Variants in DCLK1 observed in about 807,000 individuals in gnomAD.
DCLK1 encodes the protein doublecortin like kinase 1, also known as serine/threonine-protein kinase DCLK1.
A neutral mutation model predicts 86.2 loss-of-function variants in DCLK1; 16 were observed. The observed-to-expected ratio is 0.19, with a 90% CI of 0.13 to 0.28. The LOEUF (loss-of-function observed/expected upper bound fraction) is 0.28, where lower values mean the gene tolerates loss of function less well. Ranked by LOEUF, DCLK1 falls within the 10% of genes least tolerant of loss-of-function variation. DCLK1 has a pLI of 1.00. For synonymous variants in DCLK1, 369 were observed against 370.5 expected, an observed-to-expected ratio of 1.00 and a Z score of 0.05; for missense variants, 590 against 940.2, an observed-to-expected ratio of 0.63 and a Z score of 4.87.
intron 4 of DCLK1, among the ~76,000 whole-genome samples, chr13:35,905,479 G>A (rs1874638105): frequency 6.6e-6 from 1 of 152,170 alleles, no homozygotes; most frequent in African/African-American, 2.4e-5. Flanking sequence ...ACTTCCACAA[G>A]GTCAAAGCCC....
At chr13:36,122,582 C>T (rs542561051) in intron 2 of DCLK1, among the ~76,000 whole-genome samples, 1 of 152,222 alleles carries the variant, frequency 6.6e-6, no homozygotes, top group Admixed American at 6.5e-5. Context: ...TTTATCATCA[C>T]AACATTTACC....
chr13:35,783,743 C>A (rs2086571689), intron 16 of DCLK1, among the ~76,000 whole-genome samples: 1 of 152,040 alleles, frequency 6.6e-6, no homozygotes, highest in Non-Finnish European at 1.5e-5. Flanking sequence ...CACCACCATG[C>A]CCAGCTAATT....
chr13:35,797,108 C>T (rs1050716651), intron 15 of DCLK1, among the ~76,000 whole-genome samples: 4 of 152,170 alleles, frequency 2.6e-5, no homozygotes, highest in African/African-American at 9.7e-5. Context: ...GCCTGGCTGA[C>T]ACTGGGCAGC....
At chr13:36,056,331 T>C (rs560143638) in intron 3 of DCLK1, among the ~76,000 whole-genome samples, 11 of 94,780 alleles carry the variant, frequency 1.2e-4, no homozygotes, top group Non-Finnish European at 2.3e-4. Flanking sequence ...ATGGATGAAA[T>C]TGGAAACCAT....
At chr13:35,853,870 T>A (rs1197250408) in intron 6 of DCLK1, among the ~76,000 whole-genome samples, 4 of 152,168 alleles carry the variant, frequency 2.6e-5, no homozygotes, top group Non-Finnish European at 5.9e-5. Flanking sequence ...TGTGACAGGA[T>A]AAGAACAGTA....
Position 35,774,528 on chromosome 13 carries a change from G to A in DCLK1, c.*7C>T, listed in dbSNP as rs1420394816. On this transcript the variant is annotated 3_prime_UTR_variant, in exon 17 of 17. Coordinates refer to ENST00000360631, the MANE Select transcript of DCLK1 (RefSeq NM_001330071.2). ...GTTAAGCTAGGACTTTGAGTAAAAG[G>A]GTCTTATTAAAAGGGCGAGTTAGGG... 1.9e-6 allele frequency: 3 copies of A among 1,551,654 alleles called. No individual in the cohort carries two copies. Among genetic ancestry groups the A allele is most frequent in the Middle Eastern group, 1.7e-4 (1 of 5,988 alleles).
At chr13:35,987,487 T>G (rs1879983085) in intron 3 of DCLK1, among the ~76,000 whole-genome samples, 1 of 152,114 alleles carries the variant, frequency 6.6e-6, no homozygotes, top group Non-Finnish European at 1.5e-5. Context: ...ATTTCATATT[T>G]AAAACGACCC....
chr13:35,828,192 T>C (rs1295018466), intron 9 of DCLK1, 58 bp downstream of exon 9: 6 of 1,401,166 alleles, frequency 4.3e-6, no homozygotes, highest in Non-Finnish European at 6.0e-6. Context: ...GAGTGATCTT[T>C]GTGTTTCTTT....
chr13:35,975,611 T>C (rs1879293146), intron 3 of DCLK1, among the ~76,000 whole-genome samples: 1 of 132,792 alleles, frequency 7.5e-6, no homozygotes, highest in Non-Finnish European at 1.6e-5. Context: ...GCTCAGAAAC[T>C]GGAGACAAAA....
chr13:35,987,719 G>C (rs1880003474), intron 3 of DCLK1, among the ~76,000 whole-genome samples: 1 of 152,192 alleles, frequency 6.6e-6, no homozygotes, highest in Non-Finnish European at 1.5e-5. Flanking sequence ...AACCCGCCCT[G>C]AGTAACGCGG....
At chr13:35,847,487 T>C in intron 6 of DCLK1, 2 of 985,178 alleles carry the variant, frequency 2.0e-6, no homozygotes, top group Non-Finnish European at 2.4e-6. Flanking sequence ...AACACCTGTA[T>C]AGATATATGG....
intron 3 of DCLK1, among the ~76,000 whole-genome samples, chr13:36,088,156 G>A (rs1007392508): frequency 9.2e-5 from 14 of 152,190 alleles, no homozygotes; most frequent in African/African-American, 3.4e-4. Context: ...AGTGACTGCT[G>A]GATTCTGGAA....
At position 35,822,777 on chromosome 13, in the gene DCLK1, C is replaced by T. The variant is rs139958301; in HGVS notation, c.1506G>A (p.Leu502=). 3.0e-3 allele frequency: 4,786 copies of T among 1,613,868 alleles called. 52 individuals carry two copies. Among genetic ancestry groups the T allele is most frequent in the Middle Eastern group, 0.014 (82 of 6,062 alleles). Residue 502 remains leucine (L), a synonymous_variant, in exon 11 of 17, where the codon CTG becomes CTA. Coordinates refer to ENST00000360631, the MANE Select transcript of DCLK1 (RefSeq NM_001330071.2). ...LYNLASAIKY[L]HSLNIVHRDI... ...CACGGTGGACGATGTTCAGGCTATG[C>T]AGGTATTTGATGGCGCTGGCTAGGT...
At chr13:35,828,737 C>T (rs911415326) in intron 8 of DCLK1, among the ~76,000 whole-genome samples, 9 of 152,180 alleles carry the variant, frequency 5.9e-5, no homozygotes, top group Non-Finnish European at 1.3e-4. Flanking sequence ...TTACTCTTCC[C>T]TCCCCTTCCC....
chr13:35,824,309 G>A (rs9531080), intron 10 of DCLK1, among the ~76,000 whole-genome samples: 18,592 of 152,054 alleles, frequency 0.12, 1,283 homozygotes, highest in Middle Eastern at 0.17. Flanking sequence ...CCAGAGTAGC[G>A]GGAACCACAG....
chr13:35,957,293 C>T (rs1426887617), intron 3 of DCLK1, among the ~76,000 whole-genome samples: 1 of 152,166 alleles, frequency 6.6e-6, no homozygotes, highest in Non-Finnish European at 1.5e-5. Context: ...GCAACATCCT[C>T]AGATAGAGTC....
chr13:35,879,070 C>G (rs1304572938), intron 4 of DCLK1, among the ~76,000 whole-genome samples: 1 of 152,022 alleles, frequency 6.6e-6, no homozygotes, highest in African/African-American at 2.4e-5. Flanking sequence ...ATAGGCATGG[C>G]CACCACACCG....
chr13:35,994,236 C>CTT (rs1160267460), intron 3 of DCLK1, among the ~76,000 whole-genome samples: 3 of 152,172 alleles, frequency 2.0e-5, no homozygotes, highest in African/African-American at 7.2e-5. Flanking sequence ...TCTTCTAGAA[C>CTT]TTTCCCTGTA....
chr13:36,130,436 A>C (rs1373425308), intron 1 of DCLK1, among the ~76,000 whole-genome samples: 1 of 152,130 alleles, frequency 6.6e-6, no homozygotes, highest in Non-Finnish European at 1.5e-5. Flanking sequence ...ATTCCGCGCA[A>C]ACCTGGTTTT....
Sources: allele counts gnomAD v4.1 joint callset (sites outside exome capture counted in the v4.1 genomes callset), GRCh38; gene constraint gnomAD v4.1.1; transcripts MANE v1.5; gene names NCBI Gene and HGNC (gene_info 2026-07-23, HGNC 2026-07-21).